CENPC: variants seen among roughly 807,000 people sequenced by gnomAD.
CENPC encodes centromere protein C, also known as CENP-C 1.
In CENPC, 63 loss-of-function variants were observed where a neutral mutation model predicts 112.1. That is an observed-to-expected ratio of 0.56 (90% CI 0.46 to 0.69). The LOEUF is 0.69. Ranked by LOEUF, CENPC falls within the 30% of genes least tolerant of loss-of-function variation. The pLI is 0.00. For synonymous variants in CENPC, 333 were observed against 367.6 expected (o/e 0.91, Z 1.08); for missense variants, 1,000 against 1,103.8 (o/e 0.91, Z 1.33).
At chr4:67,489,857 G>T (rs1406949916) in intron 17 of CENPC, 110 bp downstream of exon 17, 2 of 884,806 alleles carry the variant, frequency 2.3e-6, no homozygotes, top group Non-Finnish European at 3.4e-6. Context: ...TCTGTGTGGT[G>T]TAGTAATCGA....
chr4:67,522,244 C>T (rs1206237054), intron 5 of CENPC, among the ~76,000 whole-genome samples: 3 of 152,290 alleles, frequency 2.0e-5, no homozygotes, highest in Admixed American at 6.5e-5. Context: ...GTTGGGAATT[C>T]GTTGTTTCAG....
At position 67,505,290 on chromosome 4, in the gene CENPC, G is replaced by GA; in HGVS notation, c.2052-7dup. On this transcript the variant is annotated splice_polypyrimidine_tract_variant and splice_region_variant and intron_variant, in intron 11 of 18. Transcript: ENST00000273853. ...TATTGAGCCTGGAAGGTCCACTTAA[G>GA]AAAAAAAGGAAACCACAAAATTAAT... 2.0e-6 allele frequency: 3 copies of GA among 1,493,444 alleles called. No individual in the cohort carries two copies. Among genetic ancestry groups the GA allele is most frequent in the Non-Finnish European group, 2.7e-6 (3 of 1,110,102 alleles). The allele number at this position is 1,493,444 out of a possible 1,614,324, so 92.5% of individuals were successfully genotyped here.
chr4:67,496,686 GTAGAT>G (rs1404107165), intron 12 of CENPC, among the ~76,000 whole-genome samples: 4 of 152,156 alleles, frequency 2.6e-5, no homozygotes, highest in African/African-American at 9.7e-5. Flanking sequence ...GACATCAGAA[GTAGAT>G]TAGTAATTGG....
intron 5 of CENPC, among the ~76,000 whole-genome samples, chr4:67,520,744 G>T (rs1290821276): frequency 6.6e-6 from 1 of 152,196 alleles, no homozygotes; most frequent in Non-Finnish European, 1.5e-5. Flanking sequence ...GGGCGCAGTG[G>T]TTCATGCCTG....
intron 4 of CENPC, among the ~76,000 whole-genome samples, chr4:67,532,078 T>A (rs1369146494): frequency 1.3e-5 from 2 of 152,062 alleles, no homozygotes; most frequent in Non-Finnish European, 2.9e-5. Context: ...CATCAAAAAG[T>A]GGGCAAAGGA....
intron 12 of CENPC, among the ~76,000 whole-genome samples, chr4:67,499,886 G>T (rs12498762): frequency 0.22 from 34,118 of 152,004 alleles, 4,398 homozygotes; most frequent in Middle Eastern, 0.37. Context: ...AGCCATCGTA[G>T]GGTTATTATT....
chr4:67,496,953 A>C (rs1725449104), intron 12 of CENPC, among the ~76,000 whole-genome samples: 2 of 130,338 alleles, frequency 1.5e-5, no homozygotes, highest in Non-Finnish European at 1.5e-5. Context: ...TAGAGGTCTC[A>C]TCTCTGTTGG....
intron 12 of CENPC, among the ~76,000 whole-genome samples, chr4:67,502,395 A>G (rs1244849518): frequency 1.1e-5 from 1 of 89,860 alleles, no homozygotes; most frequent in East Asian, 5.8e-4. Context: ...TTAAATAAAA[A>G]GATAAAGAAA....
chr4:67,545,273 C>A, intron 1 of CENPC, 65 bp downstream of exon 1: 4 of 1,433,430 alleles, frequency 2.8e-6, no homozygotes, highest in Non-Finnish European at 3.7e-6. Flanking sequence ...TTCTCCCCAG[C>A]CTCGGGCGCC....
intron 10 of CENPC, among the ~76,000 whole-genome samples, chr4:67,508,345 T>C (rs1725792604): frequency 6.6e-6 from 1 of 151,498 alleles, no homozygotes; most frequent in African/African-American, 2.4e-5. Flanking sequence ...AGACCTCATT[T>C]CTCCAACAAA....
chr4:67,518,118 AG>A, intron 7 of CENPC, 37 bp downstream of exon 7: 1 of 1,159,964 alleles, frequency 8.6e-7, no homozygotes, highest in Non-Finnish European at 1.2e-6. Flanking sequence ...AGAATATAAA[AG>A]AAAAATGTCT....
At chr4:67,518,813 G>A (rs1010741555) in intron 6 of CENPC, among the ~76,000 whole-genome samples, 2 of 152,102 alleles carry the variant, frequency 1.3e-5, no homozygotes, top group Non-Finnish European at 2.9e-5. Context: ...AAGGCCAAAG[G>A]TAAGGTCAAG....
chr4:67,515,068 A>G (rs1405584343), intron 7 of CENPC, among the ~76,000 whole-genome samples: 1 of 151,858 alleles, frequency 6.6e-6, no homozygotes, highest in African/African-American at 2.4e-5. Flanking sequence ...ATTTGTATAT[A>G]TAACTTTTGG....
intron 9 of CENPC, 86 bp downstream of exon 9, chr4:67,512,316 C>G: frequency 1.0e-6 from 1 of 957,040 alleles, no homozygotes; most frequent in Non-Finnish European, 1.6e-6. Context: ...ATGATATTCT[C>G]TATATAGAAA....
intron 12 of CENPC, 35 bp from the exon 13 acceptor site, chr4:67,495,247 ACTG>A: frequency 1.4e-6 from 2 of 1,468,180 alleles, no homozygotes; most frequent in Non-Finnish European, 1.8e-6. Flanking sequence ...ATAAGAAATG[ACTG>A]CTAATTCCAT....
In CENPC at chr4:67,523,223, G is replaced by T. The variant is rs138961241; in HGVS notation, c.332-3721C>A. ...AGCTACTCAGGAGGCTGAGGCAGGA[G>T]AATTGCTTGAACCCTGGAGTCAGAA... On this transcript the variant is annotated intron_variant, in intron 5 of 18. Transcript: ENST00000273853. Among the ~76,000 whole-genome samples, 33 of 152,258 alleles carry T rather than the reference G, an allele frequency of 2.2e-4. No homozygotes were observed. The East Asian group carries it at 6.2e-3, about 29-fold the overall frequency.
Position 67,495,145 on chromosome 4 carries a change from A to T in CENPC, c.2185+14T>A. On this transcript the variant is annotated intron_variant, in intron 13 of 18. Transcript: ENST00000273853. Reference sequence around the variant, plus strand: ...TTTCTCAATGAAAATATTAAAAAAGAAAAATATTCTTACCTAGTTTGTGAT... The same window carrying T: ...TTTCTCAATGAAAATATTAAAAAAGTAAAATATTCTTACCTAGTTTGTGAT... 6.7e-7 allele frequency: 1 copy of T among 1,501,098 alleles called. No individual in the cohort carries two copies. The allele number at this position is 1,501,098 out of a possible 1,614,324, so 93.0% of individuals were successfully genotyped here. A position where few individuals can be genotyped will look rare whatever the true frequency, so the allele number is the denominator to read the frequency against.
At chr4:67,528,516 T>C (rs1419893260) in intron 5 of CENPC, among the ~76,000 whole-genome samples, 1 of 152,216 alleles carries the variant, frequency 6.6e-6, no homozygotes, top group African/African-American at 2.4e-5. Flanking sequence ...TTCTGCTTCC[T>C]ATCTCTAAAT....
chr4:67,509,051 C>A lies in CENPC; in HGVS notation c.1667G>T (p.Ser556Ile). 6.2e-7 allele frequency: 1 copy of A among 1,611,810 alleles called. No homozygotes were observed. The highest frequency in any genetic ancestry group is 8.5e-7 in the Non-Finnish European group (1 of 1,179,434). Residue 556 changes from serine to isoleucine, a missense_variant, in exon 10 of 19, where the codon AGT (serine) becomes ATT (isoleucine). Physicochemically the swap from Ser to Ile is moderately radical, Grantham distance 142. Coordinates refer to ENST00000273853, the MANE Select transcript of CENPC (RefSeq NM_001812.4). ...TGTTTTCTTAGTAGATTTTCGGCTA[C>A]TATTGTGATGCATTGGTAATTCATT... ...VRNELPMHHN[S>I]SRKSTKKTNQ...
Sources: gnomAD v4.1 joint callset for allele counts (sites outside exome capture counted in the v4.1 genomes callset) on GRCh38, gnomAD v4.1.1 for gene constraint, MANE v1.5 for transcripts, NCBI Gene and HGNC (gene_info 2026-07-23, HGNC 2026-07-21) for gene names.